Variants in MILR1 observed in about 807,000 individuals in gnomAD.
MILR1 encodes the protein allergin-1.
In MILR1, 31 loss-of-function variants were observed where a neutral mutation model predicts 18.5. That is an observed-to-expected ratio of 1.68 (90% confidence interval 1.26 to 2.26). MILR1 has a LOEUF of 2.26. MILR1 is among the 30% of genes most tolerant of loss of function. The pLI is 0.00. For missense variants in MILR1, 257 were observed against 157.4 expected (o/e 1.63, Z -3.38); for synonymous variants, 85 against 56.2 (o/e 1.51, Z -2.30).
At chr17:64,470,150 G>A (rs567367399), downstream of MILR1, among the ~76,000 whole-genome samples, 1 of 152,306 alleles carries the variant, frequency 6.6e-6, no homozygotes, top group African/African-American at 2.4e-5. Context: ...CTGGAGTGCA[G>A]GGGCACGATT....
downstream of MILR1, among the ~76,000 whole-genome samples, chr17:64,471,407 C>T (rs1258741096): frequency 6.6e-6 from 1 of 152,144 alleles, no homozygotes; most frequent in Non-Finnish European, 1.5e-5. Flanking sequence ...CGACACCTCC[C>T]CCACTTCTAG....
intron 5 of MILR1, among the ~76,000 whole-genome samples, chr17:64,462,798 G>A (rs1292618364): frequency 6.6e-6 from 1 of 151,850 alleles, no homozygotes; most frequent in Non-Finnish European, 1.5e-5. Flanking sequence ...CCACCACCAT[G>A]TATTTTTAGT....
intron 2 of MILR1, among the ~76,000 whole-genome samples, chr17:64,450,993 A>G (rs1177850851): frequency 1.3e-5 from 2 of 152,196 alleles, no homozygotes; most frequent in South Asian, 2.1e-4. Flanking sequence ...CATAGGGCAT[A>G]CACATTTAAA....
chr17:64,456,580 G>A (rs2037305574), intron 3 of MILR1, among the ~76,000 whole-genome samples: 1 of 152,152 alleles, frequency 6.6e-6, no homozygotes, highest in East Asian at 1.9e-4. Context: ...GGAGGCTGAG[G>A]TGGGAAAATC....
chr17:64,465,194 A>C (rs1201134723), intron 5 of MILR1, among the ~76,000 whole-genome samples: 3 of 152,246 alleles, frequency 2.0e-5, no homozygotes, highest in Admixed American at 6.5e-5. Context: ...AAGTCTGGCT[A>C]GTTCAGGCAT....
intron 4 of MILR1, among the ~76,000 whole-genome samples, chr17:64,459,271 A>C (rs1251115530): frequency 1.3e-5 from 2 of 152,004 alleles, no homozygotes; most frequent in Non-Finnish European, 2.9e-5. Flanking sequence ...CTGTCTCTAC[A>C]GAAAATAAAA....
At position 64,460,808 on chromosome 17, in the gene MILR1, C is replaced by T. The variant is rs1043436506; in HGVS notation, c.653-14C>T. The T allele has an allele frequency of 2.7e-5, 13 of 474,282 alleles. No homozygotes were observed. Among genetic ancestry groups the T allele is most frequent in the East Asian group, 6.2e-5 (2 of 32,010 alleles). The allele number at this position is 474,282 out of a possible 1,614,324, so 29.4% of individuals were successfully genotyped here. A position where few individuals can be genotyped will look rare whatever the true frequency, so the allele number is the denominator to read the frequency against. ...AAAATGCTATGGTCACCAATGGATG[C>T]GGTCTTCTTCCAGGCGGAGACAGCT... On this transcript the variant is annotated splice_polypyrimidine_tract_variant and intron_variant, in intron 4 of 9. Coordinates refer to ENST00000619286, the MANE Select transcript of MILR1 (RefSeq NM_001085423.2).
chr17:64,495,760 G>A, the MILR1 span, among the ~76,000 whole-genome samples: 5 of 151,736 alleles, frequency 3.3e-5, no homozygotes, highest in Non-Finnish European at 5.9e-5. Context: ...CCAAGCTGGA[G>A]TGCAGTGGCG....
intron 5 of MILR1, among the ~76,000 whole-genome samples, chr17:64,463,234 C>T (rs961992112): frequency 6.6e-6 from 1 of 152,044 alleles, no homozygotes; most frequent in African/African-American, 2.4e-5. Flanking sequence ...TCTTGAACTC[C>T]TGGACTCAGG....
At chr17:64,465,221 C>T (rs1193597723) in intron 5 of MILR1, among the ~76,000 whole-genome samples, 1 of 152,204 alleles carries the variant, frequency 6.6e-6, no homozygotes, top group Non-Finnish European at 1.5e-5. Flanking sequence ...ATAGGCAAAG[C>T]ATGTTCCTCT....
the MILR1 span, among the ~76,000 whole-genome samples, chr17:64,494,035 A>G: frequency 3.3e-5 from 5 of 152,236 alleles, no homozygotes; most frequent in South Asian, 1.0e-3. Context: ...AGTTGTTCCA[A>G]TTTTCACCCC....
the MILR1 span, chr17:64,492,645 T>C: frequency 7.3e-7 from 1 of 1,371,960 alleles, no homozygotes; most frequent in Admixed American, 1.7e-5. Flanking sequence ...AACTATTAAA[T>C]TAAAGGTAAT....
intron 4 of MILR1, among the ~76,000 whole-genome samples, chr17:64,459,992 T>TTTATTTA (rs1185991605): frequency 1.6e-5 from 2 of 125,364 alleles, no homozygotes; most frequent in Admixed American, 7.8e-5. Flanking sequence ...TTTTATTTTA[T>TTTATTTA]TTTATTTATT....
chr17:64,460,871 A>G lies in MILR1; in HGVS notation c.702A>G (p.Leu234=), dbSNP rs2037416116. Residue 234 remains leucine, a synonymous_variant, in exon 5 of 10, where the codon TTA becomes TTG. Transcript: ENST00000619286. The part of the protein sequence containing the change: ...FCLKLLLPGL[L]LLLVVIILIL... ...TGAAGCTACTACTTCCAGGGTTATT[A>G]CTGTTGCTGGTGGTGATAATCCTAA... 4.2e-6 allele frequency: 2 copies of G among 475,194 alleles called. No homozygotes were observed. Among genetic ancestry groups the G allele is most frequent in the Non-Finnish European group, 7.7e-6 (2 of 258,906 alleles). 29.4% of individuals were successfully genotyped at this position (475,194 alleles called of 1,614,324 possible). A position where few individuals can be genotyped will look rare whatever the true frequency, so the allele number is the denominator to read the frequency against.
At chr17:64,470,653 C>G (rs2037674622), downstream of MILR1, among the ~76,000 whole-genome samples, 2 of 152,144 alleles carry the variant, frequency 1.3e-5, no homozygotes, top group African/African-American at 4.8e-5. Context: ...CAGAGCAGAA[C>G]TGCTAGATGT....
the MILR1 span, among the ~76,000 whole-genome samples, chr17:64,479,316 T>C: frequency 6.6e-6 from 1 of 151,564 alleles, no homozygotes; most frequent in South Asian, 2.1e-4. Context: ...CCCAAGTAGC[T>C]AGGACTACAG....
intron 4 of MILR1, among the ~76,000 whole-genome samples, chr17:64,459,952 G>A (rs2037385384): frequency 6.6e-6 from 1 of 151,314 alleles, no homozygotes; most frequent in South Asian, 2.1e-4. Context: ...GATGTGCTTG[G>A]TCATGACTTT....
chr17:64,474,831 C>T, the MILR1 span, among the ~76,000 whole-genome samples: 1 of 152,088 alleles, frequency 6.6e-6, no homozygotes, highest in Non-Finnish European at 1.5e-5. Context: ...CCCAGAGCTC[C>T]TTGGAATATA....
intron 2 of MILR1, among the ~76,000 whole-genome samples, chr17:64,451,651 T>C (rs2037172450): frequency 6.6e-6 from 1 of 151,970 alleles, no homozygotes; most frequent in African/African-American, 2.4e-5. Context: ...TGAGTTTATA[T>C]GGCGGGGCAC....
Sources: gnomAD v4.1 joint callset for allele counts (sites outside exome capture counted in the v4.1 genomes callset) on GRCh38, gnomAD v4.1.1 for gene constraint, MANE v1.5 for transcripts, NCBI Gene and HGNC (gene_info 2026-07-23, HGNC 2026-07-21) for gene names.